GPHN: variants seen among roughly 807,000 people sequenced by gnomAD.
GPHN encodes the protein gephyrin.
In GPHN, 17 loss-of-function variants were observed where a neutral mutation model predicts 95.5. The observed-to-expected ratio is 0.18, with a 90% CI of 0.12 to 0.27. The LOEUF (loss-of-function observed/expected upper bound fraction) is 0.27, where lower values mean the gene tolerates loss of function less well. Among genes scored for constraint, GPHN ranks in the 10% least tolerant of loss-of-function variants. The pLI is 1.00. For missense variants in GPHN, 660 were observed against 978.1 expected (o/e 0.67, Z 4.34); for synonymous variants, 320 against 322.5 (o/e 0.99, Z 0.08).
the GPHN span, chr14:67,208,102 C>T: frequency 3.4e-4 from 508 of 1,502,636 alleles, no homozygotes; most frequent in African/African-American, 4.0e-3. Context: ...TGCTCAGTGA[C>T]GATGAATGAA....
At position 67,023,624 on chromosome 14, in the gene GPHN, T is replaced by C; in HGVS notation, c.964-9T>C. 1 of 1,612,608 alleles carries C rather than the reference T, an allele frequency of 6.2e-7. No individual in the cohort carries two copies. Among genetic ancestry groups the C allele is most frequent in the Non-Finnish European group, 8.5e-7 (1 of 1,178,628 alleles). On this transcript the variant is annotated splice_polypyrimidine_tract_variant and intron_variant, in intron 9 of 22. Transcript: ENST00000478722. ...ACCCTAAATTACTGAGTTTATGCTC[T>C]TTCTACAGGTCCAGTCCAGGTGCAG... is the stretch of plus-strand genomic sequence containing the variant.
intron 1 of GPHN, among the ~76,000 whole-genome samples, chr14:66,619,515 C>CT (rs1050902234): frequency 1.8e-4 from 27 of 146,032 alleles, no homozygotes; most frequent in African/African-American, 5.4e-4. Context: ...ATATGTATAT[C>CT]TTTTTTTTGG....
Position 66,972,229 on chromosome 14 carries a change from T to C in GPHN, c.963+6904T>C, listed in dbSNP as rs138760050. 3.3e-3 allele frequency among the ~76,000 whole-genome samples: 468 copies of C among 143,706 alleles called. 1 individual carries two copies. The highest frequency in any genetic ancestry group is 0.012 in the African/African-American group (455 of 38,102). 94.3% of individuals were successfully genotyped at this position (143,706 alleles called of 152,430 possible). A position where few individuals can be genotyped will look rare whatever the true frequency, so the allele number is the denominator to read the frequency against. On this transcript the variant is annotated intron_variant, in intron 9 of 22. Transcript: ENST00000478722. The stretch of plus-strand genomic sequence containing the variant: ...GCTGCAGTGAGCCGAGATTGCACCA[T>C]TGCACTCCAGCCGGGGCAAAAGAGC...
chr14:67,056,950 C>T (rs1331747868), intron 10 of GPHN, among the ~76,000 whole-genome samples: 1 of 152,216 alleles, frequency 6.6e-6, no homozygotes, highest in East Asian at 1.9e-4. Flanking sequence ...TCCGCAGCTG[C>T]TGGCCTGGGG....
At chr14:67,079,459 A>G (rs908228470) in intron 11 of GPHN, among the ~76,000 whole-genome samples, 4 of 152,052 alleles carry the variant, frequency 2.6e-5, no homozygotes, top group African/African-American at 9.7e-5. Flanking sequence ...CCACTAGTCT[A>G]CTTCCTGTTT....
the GPHN span, among the ~76,000 whole-genome samples, chr14:67,256,529 AC>A: frequency 6.6e-6 from 1 of 152,168 alleles, no homozygotes; most frequent in Non-Finnish European, 1.5e-5. Flanking sequence ...TAAATGAGAT[AC>A]TTTATATCCT....
chr14:66,660,818 G>A (rs1360262927), intron 1 of GPHN, among the ~76,000 whole-genome samples: 1 of 152,128 alleles, frequency 6.6e-6, no homozygotes, highest in African/African-American at 2.4e-5. Context: ...CAGGGCAACA[G>A]CTTACCTGGG....
chr14:66,660,462 A>G (rs988337778), intron 1 of GPHN, among the ~76,000 whole-genome samples: 4 of 152,142 alleles, frequency 2.6e-5, no homozygotes, highest in African/African-American at 4.8e-5. Context: ...ATGTTTAGAA[A>G]TCTTTCATTG....
chr14:67,632,969 C>T, the GPHN span, among the ~76,000 whole-genome samples: 11 of 151,444 alleles, frequency 7.3e-5, no homozygotes, highest in East Asian at 1.4e-3. Flanking sequence ...TACAGGCGCC[C>T]GCCACCACGC....
At chr14:67,568,567 G>A in the GPHN span, among the ~76,000 whole-genome samples, 1 of 152,008 alleles carries the variant, frequency 6.6e-6, no homozygotes, top group African/African-American at 2.4e-5. Flanking sequence ...ATAAAAACCT[G>A]CACATCTTGC....
At chr14:67,376,172 T>C in the GPHN span, among the ~76,000 whole-genome samples, 3 of 151,790 alleles carry the variant, frequency 2.0e-5, no homozygotes, top group East Asian at 5.8e-4. Flanking sequence ...CACTCTGTAG[T>C]AAGGAGAGAT....
Position 67,076,046 on chromosome 14 carries a change from A to C in GPHN, c.1145-12937A>C, listed in dbSNP as rs981696767. ...TCCAACAGCATTGCATGCTACAGAGATATCTTTCATGAAGGAAAGAGTCAA... is the reference window on the plus strand; with the variant it reads ...TCCAACAGCATTGCATGCTACAGAGCTATCTTTCATGAAGGAAAGAGTCAA... On this transcript the variant is annotated intron_variant, in intron 11 of 22. Transcript: ENST00000478722. 2.0e-5 allele frequency among the ~76,000 whole-genome samples: 3 copies of C among 152,278 alleles called. No individual in the cohort carries two copies. The East Asian group carries it at 5.8e-4, about 29-fold the overall frequency.
intron 1 of GPHN, among the ~76,000 whole-genome samples, chr14:66,649,601 CCTT>C (rs1248971704): frequency 6.6e-6 from 1 of 152,126 alleles, no homozygotes; most frequent in East Asian, 1.9e-4. Context: ...GTTGTGCACT[CCTT>C]ATGAGAATGT....
chr14:67,073,921 C>T (rs1183182961), intron 11 of GPHN, among the ~76,000 whole-genome samples: 1 of 152,142 alleles, frequency 6.6e-6, no homozygotes, highest in Non-Finnish European at 1.5e-5. Flanking sequence ...TGGTTTTCAA[C>T]AAAGGAGATC....
the GPHN span, among the ~76,000 whole-genome samples, chr14:67,508,704 G>A: frequency 4.5e-5 from 6 of 134,800 alleles, no homozygotes; most frequent in Admixed American, 9.0e-5. Flanking sequence ...CATTGAGCTG[G>A]GATTGTGCCA....
At chr14:67,339,322 T>C in the GPHN span, among the ~76,000 whole-genome samples, 1 of 152,186 alleles carries the variant, frequency 6.6e-6, no homozygotes, top group East Asian at 1.9e-4. Context: ...GGTTAAATTT[T>C]GAAATCCATT....
chr14:67,160,486 T>C (rs961551758), intron 19 of GPHN, among the ~76,000 whole-genome samples: 2 of 152,040 alleles, frequency 1.3e-5, no homozygotes, highest in Admixed American at 6.6e-5. Flanking sequence ...CTGATGGAGG[T>C]CCTGAAGTCA....
chr14:67,590,249 A>C, the GPHN span: 1 of 733,186 alleles, frequency 1.4e-6, no homozygotes. Flanking sequence ...CCACTTGCAA[A>C]TTTTTTTTTT....
chr14:67,451,592 T>C, the GPHN span, among the ~76,000 whole-genome samples: 1 of 152,250 alleles, frequency 6.6e-6, no homozygotes, highest in Non-Finnish European at 1.5e-5. Flanking sequence ...CAGACTTGCA[T>C]GGGGCCTGTA....
Sources: allele counts gnomAD v4.1 joint callset (sites outside exome capture counted in the v4.1 genomes callset), GRCh38; gene constraint gnomAD v4.1.1; transcripts MANE v1.5; gene names NCBI Gene and HGNC (gene_info 2026-07-23, HGNC 2026-07-21).